The following NTRK2 variants were observed in gnomAD, a reference collection of about 807,000 sequenced individuals.
NTRK2 encodes neurotrophic receptor tyrosine kinase 2.
A neutral mutation model predicts 94.5 loss-of-function variants in NTRK2; 13 were observed. The observed-to-expected ratio is 0.14, with a 90% confidence interval of 0.09 to 0.22. The LOEUF is 0.22. NTRK2 is among the 10% of genes least tolerant of loss of function. The pLI, the probability that NTRK2 is intolerant of heterozygous loss-of-function variation, is 1.00. For synonymous variants in NTRK2, 372 were observed against 407.4 expected (o/e 0.91, Z 1.05); for missense variants, 639 against 1,071.2 (o/e 0.60, Z 5.63).
At chr9:85,003,467 A>ACT in intron 17 of NTRK2, among the ~76,000 whole-genome samples, 1 of 152,152 alleles carries the variant, frequency 6.6e-6, no homozygotes, top group South Asian at 2.1e-4. Flanking sequence ...ATAAAGAAGG[A>ACT]AGGGAAAGAG....
rs575790913 is a variant in NTRK2, at chr9:84,833,046, C to G, written c.1397-27994C>G. Among the ~76,000 whole-genome samples the G allele has an allele frequency of 3.1e-4, 46 of 146,346 alleles. 1 individual carries two copies. Among genetic ancestry groups the G allele is most frequent in the Non-Finnish European group, 6.1e-4 (41 of 66,950 alleles). On this transcript the variant is annotated intron_variant, in intron 12 of 18. Transcript: ENST00000277120. ...TGAGGCTGCCCTTCTTCAAGTGTGG[C>G]CTGTCTCAGAATCATCCAGTTAAAG... is the stretch of plus-strand genomic sequence containing the variant.
At chr9:84,964,593 C>G (rs549060811) in intron 17 of NTRK2, among the ~76,000 whole-genome samples, 1 of 152,320 alleles carries the variant, frequency 6.6e-6, no homozygotes, top group African/African-American at 2.4e-5. Context: ...TCTGTCCTTT[C>G]AACGCTAGCC....
chr9:84,773,459 G>A (rs2066744490), intron 12 of NTRK2, among the ~76,000 whole-genome samples: 1 of 152,216 alleles, frequency 6.6e-6, no homozygotes, highest in African/African-American at 2.4e-5. Flanking sequence ...ACCTGACTAT[G>A]AAGAGGAGGG....
At chr9:84,708,717 T>G (rs1435083104) in intron 5 of NTRK2, among the ~76,000 whole-genome samples, 1 of 152,240 alleles carries the variant, frequency 6.6e-6, no homozygotes, top group East Asian at 1.9e-4. Context: ...AGTCTTTTTA[T>G]GAAGATCCAT....
intron 12 of NTRK2, among the ~76,000 whole-genome samples, chr9:84,845,827 C>T (rs2074441500): frequency 6.6e-6 from 1 of 151,670 alleles, no homozygotes; most frequent in Non-Finnish European, 1.5e-5. Flanking sequence ...ACAGTGTACA[C>T]TGCTTGGGTG....
intron 9 of NTRK2, among the ~76,000 whole-genome samples, chr9:84,739,815 A>T (rs900369601): frequency 2.6e-5 from 4 of 152,182 alleles, no homozygotes; most frequent in Admixed American, 1.3e-4. Context: ...ACTTGTAAGG[A>T]ATCCTCTTAG....
At chr9:84,923,883 G>A (rs1023364827) in intron 14 of NTRK2, among the ~76,000 whole-genome samples, 2 of 151,692 alleles carry the variant, frequency 1.3e-5, no homozygotes, top group African/African-American at 4.8e-5. Flanking sequence ...CTGGGCGACA[G>A]AGTGAGTGAG....
intron 12 of NTRK2, among the ~76,000 whole-genome samples, chr9:84,843,697 G>A (rs942169372): frequency 2.0e-5 from 3 of 152,186 alleles, no homozygotes; most frequent in Non-Finnish European, 2.9e-5. Context: ...ACCTGCTGTA[G>A]GGGTAGAGGC....
At chr9:84,694,962 G>A (rs1188253021) in intron 2 of NTRK2, among the ~76,000 whole-genome samples, 1 of 150,538 alleles carries the variant, frequency 6.6e-6, no homozygotes, top group Non-Finnish European at 1.5e-5. Flanking sequence ...TGGATCACGA[G>A]GTCAGGAGAT....
chr9:84,757,837 C>A (rs535502895), intron 12 of NTRK2, among the ~76,000 whole-genome samples: 26 of 152,190 alleles, frequency 1.7e-4, no homozygotes, highest in African/African-American at 6.3e-4. Flanking sequence ...CAAATAATAT[C>A]TTCTGTATAA....
intron 2 of NTRK2, among the ~76,000 whole-genome samples, chr9:84,683,721 G>C (rs1377929085): frequency 6.6e-6 from 1 of 152,054 alleles, no homozygotes; most frequent in African/African-American, 2.4e-5. Context: ...GGGATTGCTG[G>C]GTCAAATGGT....
intron 12 of NTRK2, among the ~76,000 whole-genome samples, chr9:84,826,489 C>T (rs1000062229): frequency 1.3e-5 from 2 of 152,152 alleles, no homozygotes; most frequent in Non-Finnish European, 2.9e-5. Context: ...TTTCAGGGCT[C>T]AGGATTGGAC....
At chr9:84,870,503 A>AT (rs921815587) in intron 14 of NTRK2, among the ~76,000 whole-genome samples, 5 of 148,748 alleles carry the variant, frequency 3.4e-5, no homozygotes, top group South Asian at 2.1e-4. Context: ...TGTCTGGCTA[A>AT]TTTTTTTTTA....
In NTRK2 at chr9:84,898,383, A is replaced by G. The variant is rs531176673; in HGVS notation, c.1633+30952A>G. On this transcript the variant is annotated intron_variant, in intron 14 of 18. Transcript: ENST00000277120. ...TGAAGTAGATCTTTGTGTTTGAACA[A>G]GCAGACCTTGTTCTTACTATGTACA... is the stretch of plus-strand genomic sequence containing the variant. Among the ~76,000 whole-genome samples, 22 of 152,360 alleles carry G rather than the reference A, an allele frequency of 1.4e-4. No individual in the cohort carries two copies. In the East Asian group the frequency reaches 4.2e-3, roughly 29 times the overall value.
intron 14 of NTRK2, among the ~76,000 whole-genome samples, chr9:84,893,589 G>A (rs2076659281): frequency 6.6e-6 from 1 of 152,262 alleles, no homozygotes; most frequent in African/African-American, 2.4e-5. Flanking sequence ...ACCCATGCAG[G>A]CACTCACGAA....
At chr9:84,788,508 A>C (rs577925585) in intron 12 of NTRK2, among the ~76,000 whole-genome samples, 1 of 152,314 alleles carries the variant, frequency 6.6e-6, no homozygotes, top group South Asian at 2.1e-4. Context: ...CTTCCACCCC[A>C]GTCCTAGAGA....
chr9:84,788,431 CAAACATCAG>C (rs1379846231), intron 12 of NTRK2, among the ~76,000 whole-genome samples: 1 of 152,158 alleles, frequency 6.6e-6, no homozygotes, highest in Non-Finnish European at 1.5e-5. Flanking sequence ...TGCTGAAAAG[CAAACATCAG>C]AGGGCAATGT....
rs59920547 is a variant in NTRK2 at position 85,019,345 on chromosome 9, C to T, written c.2173-861C>T. On this transcript the variant is annotated intron_variant, in intron 17 of 18. Coordinates refer to ENST00000277120, the MANE Select transcript of NTRK2 (RefSeq NM_006180.6). ...TACCAGGATGAAAAGCAGAACCTAC[C>T]GCCACAGGACTACTGTGCAGAAATC... is the stretch of plus-strand genomic sequence containing the variant. 1.6e-3 allele frequency among the ~76,000 whole-genome samples: 239 copies of T among 152,190 alleles called. 2 individuals are homozygous for T. Among genetic ancestry groups the T allele is most frequent in the East Asian group, 0.015 (80 of 5,176 alleles).
At chr9:84,860,398 A>C (rs1271676043) in intron 12 of NTRK2, among the ~76,000 whole-genome samples, 1 of 152,194 alleles carries the variant, frequency 6.6e-6, no homozygotes, top group Non-Finnish European at 1.5e-5. Flanking sequence ...GAACAGCTGT[A>C]CACAGCCCAG....
Sources: allele counts gnomAD v4.1 joint callset (sites outside exome capture counted in the v4.1 genomes callset), GRCh38; gene constraint gnomAD v4.1.1; transcripts MANE v1.5; gene names NCBI Gene and HGNC (gene_info 2026-07-23, HGNC 2026-07-21).